The following PDLIM2 variants were observed in gnomAD, a reference collection of about 807,000 sequenced individuals.
PDLIM2 encodes the protein PDZ and LIM domain protein 2.
PDLIM2 carries 51 observed loss-of-function variants against 54.1 expected under a neutral mutation model. The ratio of observed to expected loss-of-function variants is 0.94; its 90% confidence interval spans 0.75 to 1.19. PDLIM2 has a LOEUF of 1.19. Ranked by LOEUF, PDLIM2 falls within the 50% of genes most tolerant of loss-of-function variation. PDLIM2 has a pLI of 0.00. For missense variants in PDLIM2, 912 were observed against 874.0 expected, an observed-to-expected ratio of 1.04 and a Z score of -0.55; for synonymous variants, 398 against 385.6, an observed-to-expected ratio of 1.03 and a Z score of -0.38.
At chr8:22,589,525 T>A in intron 7 of PDLIM2, 71 bp from the exon 7 acceptor site, 5 of 1,181,364 alleles carry the variant, frequency 4.2e-6, no homozygotes, top group Non-Finnish European at 6.0e-6. Flanking sequence ...GCTCTTCTCC[T>A]GCCCCCCACC....
intron 8 of PDLIM2, 106 bp downstream of exon 7, chr8:22,589,847 C>T (rs1166794824): frequency 1.4e-6 from 2 of 1,426,152 alleles, no homozygotes; most frequent in East Asian, 5.0e-5. Context: ...GTGAGGTGCT[C>T]ACCCCAGGAC....
intron 8 of PDLIM2, chr8:22,590,791 G>A (rs1166719661): frequency 6.6e-6 from 1 of 152,444 alleles, no homozygotes; most frequent in Non-Finnish European, 1.5e-5. Flanking sequence ...GCAATGGAAA[G>A]GGAGCAGGGG....
At chr8:22,578,777 G>A (rs1243848783) in exon 1 of PDLIM2, 8 of 1,233,914 alleles carry the variant, frequency 6.5e-6, no homozygotes, top group Non-Finnish European at 8.1e-6. Flanking sequence ...CCAGGACCTG[G>A]GGATGCGGGG....
intron 1 of PDLIM2, chr8:22,579,863 GCTGT>G (rs1800139024): frequency 3.7e-6 from 1 of 269,286 alleles, no homozygotes; most frequent in Admixed American, 5.3e-5. Flanking sequence ...TGTCACCCCG[GCTGT>G]CTGTCGGGCA....
chr8:22,594,066 C>G, exon 10 of PDLIM2: 1 of 1,436,280 alleles, frequency 7.0e-7, no homozygotes, highest in East Asian at 2.5e-5. Context: ...GGTCTGGGAC[C>G]TGTCTTGGAC....
chr8:22,594,493 A>G (rs767167921), downstream of PDLIM2: 11 of 1,613,364 alleles, frequency 6.8e-6, no homozygotes, highest in South Asian at 1.1e-4. Context: ...GAGTCATGTC[A>G]TTCCTTAACC....
Position 22,589,747 on chromosome 8 carries a change from G to A in PDLIM2, c.1513+6G>A. On this transcript the variant is annotated splice_donor_region_variant and intron_variant, in intron 8 of 9. Transcript: ENST00000308354. ...CCTGGAGGCTGAGGAGAGAGGTGAG[G>A]GTCTGGGGGGCTGGGGAGGGGAAGG... The A allele has an allele frequency of 6.4e-7, 1 of 1,561,772 alleles. No homozygotes were observed. Among genetic ancestry groups the A allele is most frequent in the Non-Finnish European group, 8.7e-7 (1 of 1,152,658 alleles).
chr8:22,580,441 G>A (rs908137746), intron 1 of PDLIM2, 34 bp from the exon 1 acceptor site: 23 of 1,455,226 alleles, frequency 1.6e-5, no homozygotes, highest in Non-Finnish European at 1.5e-5. Context: ...GGCTGAGGGA[G>A]GGAGTTAGCC....
exon 1 of PDLIM2, chr8:22,579,042 C>T (rs1331869670): frequency 5.6e-6 from 7 of 1,241,170 alleles, no homozygotes; most frequent in South Asian, 7.7e-5. Context: ...GCGGAGGCGG[C>T]GGCTTCTCGG....
chr8:22,583,976 CCTTT>C (rs776448818), intron 3 of PDLIM2, among the ~76,000 whole-genome samples: 1 of 149,686 alleles, frequency 6.7e-6, no homozygotes, highest in Non-Finnish European at 1.5e-5. Context: ...ACCAAACTAT[CCTTT>C]CTTTTTTTGG....
intron 1 of PDLIM2, chr8:22,579,726 A>C (rs559226113): frequency 3.0e-5 from 16 of 537,610 alleles, no homozygotes; most frequent in Non-Finnish European, 4.7e-5. Flanking sequence ...GGTGGTGCCC[A>C]GCCTGGCACC....
Position 22,589,379 on chromosome 8 carries a change from CA to C in PDLIM2, c.1367+6del. On this transcript the variant is annotated splice_donor_region_variant and intron_variant, in intron 7 of 9. Coordinates refer to ENST00000308354, the Ensembl canonical transcript of PDLIM2. ...CCCTCGTTCCTCCAGGCCCAGGTAC[CA>C]GCAGGCCCCGGAGGGTCGGGTTGGG... is the stretch of plus-strand genomic sequence containing the variant. The C allele has an allele frequency of 6.5e-7, 1 of 1,535,636 alleles. No individual in the cohort carries two copies. Among genetic ancestry groups the C allele is most frequent in the Non-Finnish European group, 8.7e-7 (1 of 1,146,144 alleles).
chr8:22,591,289 GC>G, intron 8 of PDLIM2: 1 of 549,040 alleles, frequency 1.8e-6, no homozygotes, highest in Admixed American at 3.2e-5. Context: ...GGGAGCACCT[GC>G]TTCACCTGAC....
intron 8 of PDLIM2, 198 bp from the exon 8 acceptor site, chr8:22,591,353 C>T (rs1800541044): frequency 3.3e-6 from 2 of 612,708 alleles, no homozygotes; most frequent in Non-Finnish European, 5.9e-6. Context: ...CGGCCTTGTA[C>T]CTGCCTCCTT....
chr8:22,594,105 G>A (rs1800630430), exon 10 of PDLIM2: 9 of 1,428,606 alleles, frequency 6.3e-6, no homozygotes, highest in Non-Finnish European at 8.2e-6. Context: ...ACCTTGCCAG[G>A]CCTCTCCCCT....
At chr8:22,596,229 G>C (rs560809613), downstream of PDLIM2, 1 of 152,428 alleles carries the variant, frequency 6.6e-6, no homozygotes, top group African/African-American at 2.4e-5. Flanking sequence ...GAGTGGAGGG[G>C]GATAAGTGGG....
At chr8:22,593,783 A>G (rs1475840030) in exon 10 of PDLIM2, 1 of 1,605,108 alleles carries the variant, frequency 6.2e-7, no homozygotes, top group East Asian at 2.2e-5. Context: ...CCCGGCTGCT[A>G]CACCTGTGCC....
chr8:22,594,081 G>C, exon 10 of PDLIM2: 3 of 1,432,882 alleles, frequency 2.1e-6, no homozygotes, highest in Non-Finnish European at 2.7e-6. Flanking sequence ...TTGGACTGTG[G>C]GAGACTCACC....
chr8:22,596,423 C>T (rs532874849), downstream of PDLIM2: 4 of 152,290 alleles, frequency 2.6e-5, no homozygotes, highest in South Asian at 2.1e-4. Context: ...CAGCCCGGCT[C>T]GGGAGCAAAC....
Sources: allele counts gnomAD v4.1 joint callset (sites outside exome capture counted in the v4.1 genomes callset), GRCh38; gene constraint gnomAD v4.1.1; transcripts MANE v1.5; gene names NCBI Gene and HGNC (gene_info 2026-07-23, HGNC 2026-07-21).